Variants in RNF220 observed in about 807,000 individuals in gnomAD.
RNF220 encodes ring finger protein 220.
In RNF220, 7 loss-of-function variants were observed where a neutral mutation model predicts 67.1. The ratio of observed to expected loss-of-function variants is 0.10; its 90% confidence interval spans 0.06 to 0.20. RNF220 has a LOEUF of 0.20. Ranked by LOEUF, RNF220 falls within the 10% of genes least tolerant of loss-of-function variation. RNF220 has a pLI of 1.00. For synonymous variants in RNF220, 270 were observed against 283.2 expected (o/e 0.95, Z 0.47); for missense variants, 565 against 740.3 (o/e 0.76, Z 2.75).
chr1:44,539,233 T>C (rs1661487828), intron 2 of RNF220, among the ~76,000 whole-genome samples: 1 of 151,856 alleles, frequency 6.6e-6, no homozygotes, highest in Non-Finnish European at 1.5e-5. Flanking sequence ...AATAAATAAA[T>C]AAATAAATAA....
chr1:44,634,373 T>C (rs990153200), intron 6 of RNF220, among the ~76,000 whole-genome samples: 12 of 152,366 alleles, frequency 7.9e-5, no homozygotes, highest in African/African-American at 2.6e-4. Context: ...CTTCAGCAAG[T>C]GGTAGTAAAT....
At chr1:44,515,621 C>G (rs1659395171) in intron 2 of RNF220, among the ~76,000 whole-genome samples, 1 of 152,140 alleles carries the variant, frequency 6.6e-6, no homozygotes, top group African/African-American at 2.4e-5. Flanking sequence ...TGAGTCACTT[C>G]CCTTTTATTT....
At chr1:44,486,520 A>G (rs1453447492) in intron 2 of RNF220, among the ~76,000 whole-genome samples, 2 of 152,220 alleles carry the variant, frequency 1.3e-5, no homozygotes, top group Non-Finnish European at 2.9e-5. Flanking sequence ...ACCAACATGC[A>G]GATTAACATT....
intron 2 of RNF220, among the ~76,000 whole-genome samples, chr1:44,481,555 G>A (rs1035010198): frequency 1.3e-4 from 20 of 152,144 alleles, no homozygotes; most frequent in Non-Finnish European, 2.5e-4. Context: ...AGGTTGAGCG[G>A]GGGGTACTTA....
At chr1:44,430,935 G>A (rs540996478) in intron 2 of RNF220, among the ~76,000 whole-genome samples, 15 of 152,356 alleles carry the variant, frequency 9.8e-5, no homozygotes, top group Non-Finnish European at 1.6e-4. Context: ...TTGGAGAGAT[G>A]AATTGATAAA....
intron 2 of RNF220, chr1:44,424,037 T>A (rs1246779116): frequency 1.0e-6 from 1 of 985,030 alleles, no homozygotes. Flanking sequence ...CCACGAACAT[T>A]TCCTGAGCTC....
At chr1:44,446,698 A>G (rs1652133756) in intron 2 of RNF220, among the ~76,000 whole-genome samples, 1 of 151,934 alleles carries the variant, frequency 6.6e-6, no homozygotes, top group Non-Finnish European at 1.5e-5. Flanking sequence ...AGCTGGGATT[A>G]CAGGCACATG....
Position 44,479,906 on chromosome 1 carries a change from C to T in RNF220, c.625+67184C>T, listed in dbSNP as rs79030643. ...GCAATGTTTTGCCTTAAGATCCCCT[C>T]CTTCACCTTTGCTAGTTTATAAGAT... On this transcript the variant is annotated intron_variant, in intron 2 of 14. Transcript: ENST00000361799. Among the ~76,000 whole-genome samples the T allele has an allele frequency of 9.9e-5, 15 of 152,284 alleles. No homozygotes were observed. The East Asian group carries it at 2.9e-3, about 29-fold the overall frequency.
chr1:44,529,968 C>G (rs1486297696), intron 2 of RNF220, among the ~76,000 whole-genome samples: 2 of 151,690 alleles, frequency 1.3e-5, no homozygotes, highest in African/African-American at 4.8e-5. Context: ...GCAGGAGAAT[C>G]GCTTGAACCA....
chr1:44,488,737 T>C (rs922288762), intron 2 of RNF220, among the ~76,000 whole-genome samples: 2 of 143,738 alleles, frequency 1.4e-5, no homozygotes, highest in Non-Finnish European at 3.1e-5. Flanking sequence ...CTTTTTTTTT[T>C]TTTTTTTTTT....
rs146769045 is a variant in RNF220 at position 44,523,767 on chromosome 1, C to T, written c.626-90398C>T. 7.2e-5 allele frequency among the ~76,000 whole-genome samples: 11 copies of T among 152,256 alleles called. No homozygotes were observed. In the East Asian group the frequency reaches 2.1e-3, roughly 29 times the overall value. ...TCCCGCCTCTGCTATCCCCCAGGGCCCAAGAGGATCCATTGGTCATTTCTG... is the reference window on the plus strand; with the variant it reads ...TCCCGCCTCTGCTATCCCCCAGGGCTCAAGAGGATCCATTGGTCATTTCTG... On this transcript the variant is annotated intron_variant, in intron 2 of 14. Coordinates refer to ENST00000361799, the MANE Select transcript of RNF220 (RefSeq NM_018150.4).
intron 2 of RNF220, among the ~76,000 whole-genome samples, chr1:44,416,911 G>T (rs1648599170): frequency 6.6e-6 from 1 of 152,182 alleles, no homozygotes; most frequent in African/African-American, 2.4e-5. Context: ...TTATATAAAG[G>T]CATGTATCAT....
At chr1:44,609,694 G>C (rs1464665328) in intron 2 of RNF220, among the ~76,000 whole-genome samples, 1 of 152,226 alleles carries the variant, frequency 6.6e-6, no homozygotes, top group Non-Finnish European at 1.5e-5. Flanking sequence ...GAGAGGGCTG[G>C]GCTGGCTGGA....
At chr1:44,535,885 G>A (rs754478780) in intron 2 of RNF220, among the ~76,000 whole-genome samples, 4 of 152,178 alleles carry the variant, frequency 2.6e-5, no homozygotes, top group Non-Finnish European at 4.4e-5. Context: ...GCTACGTGCT[G>A]TGGGTCCAGG....
intron 5 of RNF220, among the ~76,000 whole-genome samples, chr1:44,630,269 A>G (rs1367534831): frequency 1.3e-5 from 2 of 152,202 alleles, no homozygotes; most frequent in African/African-American, 2.4e-5. Flanking sequence ...CCTGCTGACT[A>G]ACTAACCCTC....
intron 2 of RNF220, among the ~76,000 whole-genome samples, chr1:44,435,774 AT>A (rs1251842957): frequency 2.0e-5 from 3 of 152,230 alleles, no homozygotes; most frequent in Middle Eastern, 3.4e-3. Context: ...TACTAAAAAT[AT>A]AAAAATTATC....
At chr1:44,458,620 A>G (rs1213488189) in intron 2 of RNF220, among the ~76,000 whole-genome samples, 1 of 152,238 alleles carries the variant, frequency 6.6e-6, no homozygotes, top group African/African-American at 2.4e-5. Flanking sequence ...TTTAAAAAAG[A>G]GATTTACCTT....
At chr1:44,554,076 G>T (rs1662880353) in intron 2 of RNF220, among the ~76,000 whole-genome samples, 1 of 152,198 alleles carries the variant, frequency 6.6e-6, no homozygotes, top group Non-Finnish European at 1.5e-5. Flanking sequence ...AGCAAGCTTG[G>T]TTGTTGGGGC....
chr1:44,424,557 G>A (rs886451650), intron 2 of RNF220, among the ~76,000 whole-genome samples: 1 of 152,198 alleles, frequency 6.6e-6, no homozygotes, highest in Non-Finnish European at 1.5e-5. Context: ...TAGTGGGGAG[G>A]AAAGGAGAGG....
Sources: gnomAD v4.1 joint callset for allele counts (sites outside exome capture counted in the v4.1 genomes callset) on GRCh38, gnomAD v4.1.1 for gene constraint, MANE v1.5 for transcripts, NCBI Gene and HGNC (gene_info 2026-07-23, HGNC 2026-07-21) for gene names.